Variants in EPHA8 observed in about 807,000 individuals in gnomAD.
EPHA8 encodes the protein ephrin type-A receptor 8.
Under a neutral mutation model 103.6 loss-of-function variants are expected in EPHA8, and 58 were observed. That is an observed-to-expected ratio of 0.56 (90% CI 0.45 to 0.70). EPHA8 has a LOEUF of 0.70. Ranked by LOEUF, EPHA8 falls within the 30% of genes least tolerant of loss-of-function variation. EPHA8 has a pLI of 0.00. For missense variants in EPHA8, 1,304 were observed against 1,395.2 expected (o/e 0.93, Z 1.04); for synonymous variants, 559 against 572.5 (o/e 0.98, Z 0.34).
intron 8 of EPHA8, 67 bp downstream of exon 8, chr1:22,595,390 G>A (rs944613451): frequency 7.3e-7 from 1 of 1,366,550 alleles, no homozygotes; most frequent in African/African-American, 1.4e-5. Flanking sequence ...CCTGCCCCCA[G>A]CCCCACCGAG....
rs541265579 is a variant in EPHA8 at position 22,595,397 on chromosome 1, C to T, written c.1697+74C>T. Reference sequence around the variant, plus strand: ...ACCTCCTGCCTGCCCCCAGCCCCACCGAGCCGGTGGTCCCCGTGTGCCTGG... The same window carrying T: ...ACCTCCTGCCTGCCCCCAGCCCCACTGAGCCGGTGGTCCCCGTGTGCCTGG... On this transcript the variant is annotated intron_variant, in intron 8 of 16. Transcript: ENST00000166244. 9.8e-5 allele frequency: 129 copies of T among 1,312,688 alleles called. 3 individuals carry two copies. In the South Asian group the frequency reaches 1.1e-3, roughly 11 times the overall value. 81.3% of individuals were successfully genotyped at this position (1,312,688 alleles called of 1,614,324 possible). A position where few individuals can be genotyped will look rare whatever the true frequency, so the allele number is the denominator to read the frequency against.
At chr1:22,588,091 T>C (rs911204493) in intron 4 of EPHA8, among the ~76,000 whole-genome samples, 3 of 152,218 alleles carry the variant, frequency 2.0e-5, no homozygotes, top group Non-Finnish European at 2.9e-5. Context: ...ACCCTTCCGA[T>C]GTTAAAAATT....
In EPHA8 at chr1:22,589,189, T is replaced by A. The variant is rs1436470617; in HGVS notation, c.1298T>A (p.Ile433Asn). The change falls in exon 5 of 17, where the codon ATC (isoleucine) becomes AAC (asparagine). Residue 433 changes from isoleucine to asparagine, a missense_variant. Physicochemically the swap from Ile to Asn is moderately radical, Grantham distance 149. Coordinates refer to ENST00000166244, the MANE Select transcript of EPHA8 (RefSeq NM_020526.5). The surrounding 1 kb of genome is among the most constrained non-coding windows in gnomAD (Gnocchi z 4.3). ...PEPRRAAVVN[I>N]TTNQAAPSQV... Reference sequence around the variant, plus strand: ...CCCCGCCGGGCCGCTGTGGTCAACATCACCACGAACCAGGCAGGTAGGCGG... The same window carrying A: ...CCCCGCCGGGCCGCTGTGGTCAACAACACCACGAACCAGGCAGGTAGGCGG... 6.2e-7 allele frequency: 1 copy of A among 1,613,920 alleles called. No individual in the cohort carries two copies. The highest frequency in any genetic ancestry group is 8.5e-7 in the Non-Finnish European group (1 of 1,179,988).
chr1:22,603,370 T>TGG lies in EPHA8; in HGVS notation c.*1637_*1638dup, dbSNP rs34215302. On this transcript the variant is annotated 3_prime_UTR_variant, in exon 17 of 17. Transcript: ENST00000166244. ...TCGGAAACATGGTCAGAACACGATC[T>TGG]GGGGGGGGGATCCTGTCTTCCTCCC... 1,777 of 151,222 alleles carry TGG rather than the reference T, an allele frequency of 0.012. 18 individuals are homozygous for TGG. Among genetic ancestry groups the TGG allele is most frequent in the Middle Eastern group, 0.017 (5 of 292 alleles). 9.4% of individuals were successfully genotyped at this position (151,222 alleles called of 1,614,324 possible).
chr1:22,595,767 A>T (rs906699906), intron 8 of EPHA8, among the ~76,000 whole-genome samples: 2 of 152,238 alleles, frequency 1.3e-5, no homozygotes, highest in Admixed American at 1.3e-4. Context: ...AAGGTCATCC[A>T]TGTAGTTGGC....
chr1:22,565,935 T>A (rs1358028151), intron 1 of EPHA8, among the ~76,000 whole-genome samples: 1 of 152,202 alleles, frequency 6.6e-6, no homozygotes. Flanking sequence ...GAGTTCCATG[T>A]GGCGCATCTG....
rs1640381638 is a variant in EPHA8, at chr1:22,567,105, A to C, written c.95-2184A>C. Among the ~76,000 whole-genome samples, 1 of 152,108 alleles carries C rather than the reference A, an allele frequency of 6.6e-6. No individual in the cohort carries two copies. Among genetic ancestry groups the C allele is most frequent in the African/African-American group, 2.4e-5 (1 of 41,432 alleles). On this transcript the variant is annotated intron_variant, in intron 1 of 16. Coordinates refer to ENST00000166244, the MANE Select transcript of EPHA8 (RefSeq NM_020526.5). The surrounding 1 kb of genome is among the most constrained non-coding windows in gnomAD (Gnocchi z 4.2). ...GGAGAGCGGTGTCTGCAGGCCCTGA[A>C]GCCTGCACGCTCCAGGGCGAGAATC...
chr1:22,569,086 G>A lies in EPHA8; in HGVS notation c.95-203G>A, dbSNP rs1338709012. Among the ~76,000 whole-genome samples the A allele has an allele frequency of 5.3e-5, 8 of 152,322 alleles. No individual in the cohort carries two copies. The highest frequency in any genetic ancestry group is 1.7e-4 in the African/African-American group (7 of 41,572). On this transcript the variant is annotated intron_variant, in intron 1 of 16. Coordinates refer to ENST00000166244, the MANE Select transcript of EPHA8 (RefSeq NM_020526.5). This position sits in a 1 kb window ranked among gnomAD's most constrained non-coding sequence, Gnocchi z 4.5. ...AATATTACTTTTTGGCCAAGAGGGTGAGAAGAAGGCTTCAGGGAAGAGAAA... is the reference window on the plus strand; with the variant it reads ...AATATTACTTTTTGGCCAAGAGGGTAAGAAGAAGGCTTCAGGGAAGAGAAA...
At chr1:22,578,322 A>C (rs890028545) in intron 3 of EPHA8, among the ~76,000 whole-genome samples, 16 of 143,532 alleles carry the variant, frequency 1.1e-4, no homozygotes, top group African/African-American at 4.2e-4. Context: ...ATATGTATGC[A>C]TGTGTGCATG....
At chr1:22,578,242 A>G (rs1294303065) in intron 3 of EPHA8, among the ~76,000 whole-genome samples, 14 of 115,598 alleles carry the variant, frequency 1.2e-4, no homozygotes, top group East Asian at 3.1e-4. Flanking sequence ...GTATGTGTGC[A>G]TGTGTGTGTC....
chr1:22,574,846 C>T (rs1640638742), intron 2 of EPHA8, among the ~76,000 whole-genome samples: 1 of 152,210 alleles, frequency 6.6e-6, no homozygotes, highest in South Asian at 2.1e-4. Context: ...CTATTTTAAA[C>T]ACTTTGAGAA....
At chr1:22,599,115 C>T (rs1013697713) in intron 13 of EPHA8, 68 bp downstream of exon 13, 32 of 1,504,662 alleles carry the variant, frequency 2.1e-5, no homozygotes, top group Non-Finnish European at 2.7e-5. Context: ...CACCCAGGGC[C>T]CAACCATTCT....
chr1:22,569,350 T>C lies in EPHA8; in HGVS notation c.156T>C (p.His52=). Residue 52 remains histidine, a synonymous_variant, in exon 2 of 17, where the codon CAT becomes CAC. Coordinates refer to ENST00000166244, the MANE Select transcript of EPHA8 (RefSeq NM_020526.5). The surrounding 1 kb of genome is among the most constrained non-coding windows in gnomAD (Gnocchi z 4.5). ...GDWGWLTYPA[H]GWDSINEVDE... ...GGGGCTGGCTCACGTATCCGGCTCA[T>C]GGGGTGAGTGATGGGCACTGGGGAC... 1 of 1,593,560 alleles carries C rather than the reference T, an allele frequency of 6.3e-7. No individual in the cohort carries two copies.
Position 22,586,785 on chromosome 1 carries a change from G to GGT in EPHA8, c.979+151_979+152insTG. On this transcript the variant is annotated intron_variant, in intron 4 of 16. Transcript: ENST00000166244. ...AGCCAGAGGCCAGTCTGAGGTGGGG[G>GGT]GGGTGACTCTGATCCCTCCACGGTG... The GGT allele has an allele frequency of 4.3e-6, 4 of 936,534 alleles. No homozygotes were observed. In the South Asian group the frequency reaches 5.2e-5, roughly 12 times the overall value. The allele number at this position is 936,534 out of a possible 1,614,324, so 58.0% of individuals were successfully genotyped here. A position where few individuals can be genotyped will look rare whatever the true frequency, so the allele number is the denominator to read the frequency against.
At position 22,589,320 on chromosome 1, in the gene EPHA8, CCT is replaced by C. The variant is rs1371247782; in HGVS notation, c.1315+119_1315+120del. The C allele has an allele frequency of 6.2e-7, 1 of 1,609,618 alleles. No homozygotes were observed. Among genetic ancestry groups the C allele is most frequent in the East Asian group, 2.2e-5 (1 of 44,814 alleles). On this transcript the variant is annotated intron_variant, in intron 5 of 16. Transcript: ENST00000166244. This position sits in a 1 kb window ranked among gnomAD's most constrained non-coding sequence, Gnocchi z 4.3. The stretch of plus-strand genomic sequence containing the variant: ...CGTGCTGTGGGCCTTTAGGCAAGTG[CCT>C]CTCTGGCCCTGCGCTCCTCACCAGG...
intron 3 of EPHA8, among the ~76,000 whole-genome samples, chr1:22,579,026 AGTAT>A (rs1206179936): frequency 1.6e-5 from 2 of 122,190 alleles, no homozygotes; most frequent in African/African-American, 3.0e-5. Flanking sequence ...TATGTGCAAG[AGTAT>A]GTATGCATGT....
In EPHA8 at chr1:22,593,534, T is replaced by G. The variant is rs779424856; in HGVS notation, c.1451T>G (p.Met484Arg). 6.2e-7 allele frequency: 1 copy of G among 1,612,312 alleles called. No individual in the cohort carries two copies. Among genetic ancestry groups the G allele is most frequent in the Non-Finnish European group, 8.5e-7 (1 of 1,179,670 alleles). The change falls in exon 7 of 17, where the codon ATG becomes AGG. Residue 484 changes from methionine to arginine, a missense_variant. Physicochemically the swap from Met to Arg is moderately conservative, Grantham distance 91. Coordinates refer to ENST00000166244, the MANE Select transcript of EPHA8 (RefSeq NM_020526.5). ...EIKYYEKDKEMQSYSTLKAVT... is the reference protein window; with the variant it reads ...EIKYYEKDKERQSYSTLKAVT... The stretch of plus-strand genomic sequence containing the variant: ...ACCGTCCCGTGGCAGGACAAGGAGA[T>G]GCAGAGCTACTCCACCCTCAAGGCC...
intron 5 of EPHA8, among the ~76,000 whole-genome samples, chr1:22,591,992 TC>T (rs934075655): frequency 1.3e-5 from 2 of 152,190 alleles, no homozygotes; most frequent in African/African-American, 4.8e-5. Flanking sequence ...GGACAGAAGC[TC>T]CTAGAGGGAT....
intron 3 of EPHA8, among the ~76,000 whole-genome samples, chr1:22,585,009 C>T (rs1054312650): frequency 6.9e-5 from 10 of 144,250 alleles, no homozygotes; most frequent in African/African-American, 1.0e-4. Flanking sequence ...AGGAGCAGGG[C>T]GGGGAATGGT....
Sources: allele counts gnomAD v4.1 joint callset (sites outside exome capture counted in the v4.1 genomes callset), GRCh38; gene constraint gnomAD v4.1.1; non-coding constraint Gnocchi (gnomAD v3.1); transcripts MANE v1.5; gene names NCBI Gene and HGNC (gene_info 2026-07-23, HGNC 2026-07-21).